The following EPHA7 variants were observed in gnomAD, a reference collection of about 807,000 sequenced individuals.
EPHA7 encodes ephrin type-A receptor 7.
A neutral mutation model predicts 112.6 loss-of-function variants in EPHA7; 25 were observed. That is an observed-to-expected ratio of 0.22 (90% confidence interval 0.16 to 0.31). The LOEUF (loss-of-function observed/expected upper bound fraction) is 0.31. EPHA7 is among the 10% of genes least tolerant of loss of function. EPHA7 has a pLI of 1.00. For synonymous variants in EPHA7, 437 were observed against 406.5 expected (o/e 1.07, Z -0.90); for missense variants, 962 against 1,212.6 (o/e 0.79, Z 3.07).
chr6:93,247,231 T>C (rs1483602038), intron 14 of EPHA7, among the ~76,000 whole-genome samples: 3 of 152,140 alleles, frequency 2.0e-5, no homozygotes, highest in Admixed American at 1.3e-4. Flanking sequence ...TCATCCAGGG[T>C]ACAATAGATG....
At chr6:93,282,105 T>A (rs920694304) in intron 5 of EPHA7, among the ~76,000 whole-genome samples, 1 of 152,156 alleles carries the variant, frequency 6.6e-6, no homozygotes, top group Non-Finnish European at 1.5e-5. Context: ...TGGAAATTCA[T>A]AGATTTGGTT....
At chr6:93,367,755 A>C (rs1414544411) in intron 3 of EPHA7, among the ~76,000 whole-genome samples, 2 of 152,142 alleles carry the variant, frequency 1.3e-5, no homozygotes, top group Non-Finnish European at 2.9e-5. Flanking sequence ...CTATCTTATA[A>C]GATTGTTATG....
intron 12 of EPHA7, 60 bp downstream of exon 12, chr6:93,257,402 A>G (rs1770487433): frequency 7.5e-7 from 1 of 1,337,584 alleles, no homozygotes; most frequent in Non-Finnish European, 1.0e-6. Flanking sequence ...AAAAGTTCAT[A>G]AAATTATATT....
intron 8 of EPHA7, 39 bp from the exon 9 acceptor site, chr6:93,263,954 AC>A (rs766642031): frequency 6.5e-7 from 1 of 1,538,872 alleles, no homozygotes; most frequent in African/African-American, 1.4e-5. Flanking sequence ...CAGTCATTTT[AC>A]TTTATATATT....
At chr6:93,284,249 G>T (rs994737794) in intron 5 of EPHA7, among the ~76,000 whole-genome samples, 1 of 151,592 alleles carries the variant, frequency 6.6e-6, no homozygotes, top group African/African-American at 2.4e-5. Context: ...AACATAAATT[G>T]ACTTTCTTAA....
chr6:93,349,792 A>G (rs1262268362), intron 5 of EPHA7, among the ~76,000 whole-genome samples: 1 of 151,978 alleles, frequency 6.6e-6, no homozygotes, highest in African/African-American at 2.4e-5. Flanking sequence ...ATTAAAAGAC[A>G]TATAACTTGA....
chr6:93,314,709 G>T (rs1773708816), intron 5 of EPHA7, among the ~76,000 whole-genome samples: 1 of 151,984 alleles, frequency 6.6e-6, no homozygotes, highest in Admixed American at 6.6e-5. Flanking sequence ...ACTGATAATT[G>T]TCTGGAATTG....
intron 3 of EPHA7, among the ~76,000 whole-genome samples, chr6:93,362,129 C>T (rs1421290896): frequency 6.6e-6 from 1 of 151,946 alleles, no homozygotes; most frequent in Non-Finnish European, 1.5e-5. Context: ...ATAAAATAAG[C>T]TCATTATCCT....
At chr6:93,362,256 C>G (rs1278393425) in intron 3 of EPHA7, among the ~76,000 whole-genome samples, 1 of 151,880 alleles carries the variant, frequency 6.6e-6, no homozygotes, top group Admixed American at 6.6e-5. Flanking sequence ...CATGAAACTT[C>G]TATATACCAG....
chr6:93,352,799 G>A (rs1775759585), intron 5 of EPHA7, among the ~76,000 whole-genome samples: 1 of 152,046 alleles, frequency 6.6e-6, no homozygotes, highest in Admixed American at 6.6e-5. Context: ...CATGGATGAA[G>A]TGGGTGGGCA....
rs117138821 is a variant in EPHA7, at chr6:93,386,153, A to G, written c.832+24348T>C. On this transcript the variant is annotated intron_variant, in intron 3 of 16. Coordinates refer to ENST00000369303, the MANE Select transcript of EPHA7 (RefSeq NM_004440.4). Reference sequence around the variant, plus strand: ...TTCACAACACATTTATGCCTTCCCAACAGTTCCCCAAAGACTTAACTCATT... The same window carrying G: ...TTCACAACACATTTATGCCTTCCCAGCAGTTCCCCAAAGACTTAACTCATT... 3.6e-4 allele frequency among the ~76,000 whole-genome samples: 55 copies of G among 152,290 alleles called. No homozygotes were observed. In the East Asian group the frequency reaches 0.01, roughly 28 times the overall value.
chr6:93,395,725 G>C (rs1458117168), intron 3 of EPHA7, among the ~76,000 whole-genome samples: 1 of 151,638 alleles, frequency 6.6e-6, no homozygotes, highest in African/African-American at 2.4e-5. Context: ...TTTACACTTG[G>C]CTGAGAATCG....
intron 3 of EPHA7, among the ~76,000 whole-genome samples, chr6:93,396,598 G>A (rs932712549): frequency 2.0e-5 from 3 of 151,696 alleles, no homozygotes; most frequent in South Asian, 2.1e-4. Flanking sequence ...TTTCAAAAAC[G>A]CATATGCTAA....
intron 3 of EPHA7, among the ~76,000 whole-genome samples, chr6:93,384,964 A>C (rs1416705465): frequency 2.0e-5 from 3 of 152,192 alleles, no homozygotes; most frequent in Non-Finnish European, 4.4e-5. Context: ...CACTACAAAC[A>C]CAAATATGTG....
At chr6:93,378,200 G>T (rs985477625) in intron 3 of EPHA7, among the ~76,000 whole-genome samples, 1 of 152,040 alleles carries the variant, frequency 6.6e-6, no homozygotes, top group Non-Finnish European at 1.5e-5. Flanking sequence ...CAATGTCAAA[G>T]TGGCTGAAGT....
intron 3 of EPHA7, among the ~76,000 whole-genome samples, chr6:93,408,716 G>A (rs1305923813): frequency 6.6e-6 from 1 of 152,060 alleles, no homozygotes; most frequent in South Asian, 2.1e-4. Flanking sequence ...ATGCTTAGCA[G>A]CCATCCACAT....
chr6:93,394,536 T>C (rs372850900), intron 3 of EPHA7, among the ~76,000 whole-genome samples: 143 of 151,850 alleles, frequency 9.4e-4, no homozygotes, highest in East Asian at 6.2e-3. Context: ...GAGGAAACTA[T>C]GTAAGATCTC....
At chr6:93,325,641 A>G (rs987091848) in intron 5 of EPHA7, among the ~76,000 whole-genome samples, 6 of 151,504 alleles carry the variant, frequency 4.0e-5, no homozygotes, top group African/African-American at 1.4e-4. Flanking sequence ...AATTCCAACA[A>G]AATGAACCAC....
chr6:93,360,192 T>C (rs185658647), intron 3 of EPHA7, among the ~76,000 whole-genome samples: 2 of 152,220 alleles, frequency 1.3e-5, no homozygotes, highest in Admixed American at 1.3e-4. Context: ...TTTCTAAATA[T>C]ATGATCTTGT....
Sources: gnomAD v4.1 joint callset for allele counts (sites outside exome capture counted in the v4.1 genomes callset) on GRCh38, gnomAD v4.1.1 for gene constraint, MANE v1.5 for transcripts, NCBI Gene and HGNC (gene_info 2026-07-23, HGNC 2026-07-21) for gene names.